Variants in ZNF652 observed in about 807,000 individuals in gnomAD.
The protein encoded by ZNF652 is zinc finger protein 652.
Under a neutral mutation model 45.2 loss-of-function variants are expected in ZNF652, and 16 were observed. The ratio of observed to expected loss-of-function variants is 0.35; its 90% CI spans 0.24 to 0.54. ZNF652 has a LOEUF of 0.54. ZNF652 is among the 20% of genes least tolerant of loss of function. The pLI is 0.91. For missense variants in ZNF652, 614 were observed against 765.6 expected (o/e 0.80, Z 2.34); for synonymous variants, 250 against 260.6 (o/e 0.96, Z 0.39).
chr17:49,299,083 T>C (rs562187419), intron 5 of ZNF652, among the ~76,000 whole-genome samples, 159 bp from the exon 6 acceptor site: 1 of 152,174 alleles, frequency 6.6e-6, no homozygotes, highest in African/African-American at 2.4e-5. Context: ...CCCAAAGTGC[T>C]GCGATTACAG....
chr17:49,335,465 C>A (rs1016966412), intron 1 of ZNF652, among the ~76,000 whole-genome samples: 1 of 152,056 alleles, frequency 6.6e-6, no homozygotes, highest in Non-Finnish European at 1.5e-5. Context: ...TTACCTAATT[C>A]ATCTGGTCAC....
intron 3 of ZNF652, among the ~76,000 whole-genome samples, chr17:49,312,256 C>G (rs959045402): frequency 1.3e-5 from 2 of 151,396 alleles, no homozygotes; most frequent in Non-Finnish European, 2.9e-5. Context: ...ACCTCTGCCC[C>G]CTGGGTTCAA....
At chr17:49,301,854 C>T (rs376386836) in intron 5 of ZNF652, among the ~76,000 whole-genome samples, 73 of 152,146 alleles carry the variant, frequency 4.8e-4, no homozygotes, top group African/African-American at 1.6e-3. Context: ...CAGTGGCACC[C>T]TGTCTATATA....
At chr17:49,299,393 T>C (rs534837988) in intron 5 of ZNF652, among the ~76,000 whole-genome samples, 1 of 152,248 alleles carries the variant, frequency 6.6e-6, no homozygotes, top group Non-Finnish European at 1.5e-5. Flanking sequence ...CTTTTTTAGT[T>C]TTTTGAGACA....
chr17:49,303,613 C>T (rs1567914567), intron 5 of ZNF652, among the ~76,000 whole-genome samples: 4 of 152,040 alleles, frequency 2.6e-5, no homozygotes, highest in Admixed American at 2.0e-4. Context: ...GTTTGATTAA[C>T]CTCTAAGCTC....
Position 49,289,426 on chromosome 17 carries a change from T to A in ZNF652, c.*8987A>T, listed in dbSNP as rs1382279848. The A allele has an allele frequency of 6.6e-6, 1 of 151,988 alleles. No individual in the cohort carries two copies. The highest frequency in any genetic ancestry group is 1.5e-5 in the Non-Finnish European group (1 of 68,010). The allele number at this position is 151,988 out of a possible 1,614,324, so 9.4% of individuals were successfully genotyped here. A position where few individuals can be genotyped will look rare whatever the true frequency, so the allele number is the denominator to read the frequency against. ...TTTTATACTTAAAATCATGATTGAG[T>A]TGAAATAAAAAAGTGCATTTCAATT... On this transcript the variant is annotated 3_prime_UTR_variant, in exon 6 of 6. Coordinates refer to ENST00000430262, the MANE Select transcript of ZNF652 (RefSeq NM_001145365.3).
chr17:49,299,161 G>A (rs1237286810), intron 5 of ZNF652, among the ~76,000 whole-genome samples: 2 of 151,626 alleles, frequency 1.3e-5, no homozygotes, highest in Admixed American at 6.6e-5. Context: ...CTCAAATTTG[G>A]ACTTAACAGA....
At position 49,298,524 on chromosome 17, in the gene ZNF652, G is replaced by A. The variant is rs3744325; in HGVS notation, c.1710C>T (p.Leu570=). The change falls in exon 6 of 6, where the codon CTC becomes CTT. Residue 570 remains leucine, a synonymous_variant. Transcript: ENST00000430262. ...HHLPIPPVPH[L]PPPPALFKSE... ...TCTTAAAGAGAGCTGGAGGTGGCGG[G>A]AGGTGAGGGACTGGAGGGATGGGAA... 6.8e-5 allele frequency: 109 copies of A among 1,612,812 alleles called. 1 individual carries two copies. The East Asian group carries it at 2.4e-3, about 36-fold the overall frequency.
chr17:49,296,750 AT>A lies in ZNF652; in HGVS notation c.*1662del. ...CAAGACCTTGTCTCTTAAAAAAAAA[AT>A]TGGAGAGGGGGTGGGAGGTAAGTGA... is the stretch of plus-strand genomic sequence containing the variant. On this transcript the variant is annotated 3_prime_UTR_variant, in exon 6 of 6. Transcript: ENST00000430262. The A allele has an allele frequency of 6.6e-6, 1 of 152,080 alleles. No homozygotes were observed. Among genetic ancestry groups the A allele is most frequent in the Non-Finnish European group, 1.5e-5 (1 of 68,038 alleles). The allele number at this position is 152,080 out of a possible 1,614,324, so 9.4% of individuals were successfully genotyped here. A position where few individuals can be genotyped will look rare whatever the true frequency, so the allele number is the denominator to read the frequency against.
chr17:49,342,031 C>CA (rs2070153048), intron 1 of ZNF652, among the ~76,000 whole-genome samples: 1 of 151,660 alleles, frequency 6.6e-6, no homozygotes, highest in Admixed American at 6.6e-5. Flanking sequence ...ACTAAAAGTA[C>CA]AAAAATTAGC....
intron 1 of ZNF652, among the ~76,000 whole-genome samples, chr17:49,352,587 T>C (rs1253456876): frequency 6.6e-6 from 1 of 152,234 alleles, no homozygotes; most frequent in Non-Finnish European, 1.5e-5. Context: ...TAATTTCTTA[T>C]AAGTTAAAGA....
chr17:49,316,697 T>G, intron 2 of ZNF652, 129 bp downstream of exon 2: 1 of 1,027,950 alleles, frequency 9.7e-7, no homozygotes, highest in Middle Eastern at 3.2e-4. Flanking sequence ...CAGGAGCTTT[T>G]CAAATGATAA....
intron 1 of ZNF652, among the ~76,000 whole-genome samples, chr17:49,333,738 A>G (rs1438588029): frequency 6.0e-5 from 9 of 150,432 alleles, no homozygotes; most frequent in East Asian, 2.0e-4. Context: ...AAAAAAAAAA[A>G]AAAAAGAAGA....
chr17:49,347,740 G>GTTTTTTTTTT (rs1181401090), intron 1 of ZNF652, among the ~76,000 whole-genome samples: 1 of 81,214 alleles, frequency 1.2e-5, no homozygotes, highest in Non-Finnish European at 2.6e-5. Context: ...CCTTGGTTTT[G>GTTTTTTTTTT]TTTTTTTTTT....
At chr17:49,325,861 A>G (rs576254095) in intron 1 of ZNF652, among the ~76,000 whole-genome samples, 4 of 152,268 alleles carry the variant, frequency 2.6e-5, no homozygotes, top group African/African-American at 9.6e-5. Context: ...CACAAAGACC[A>G]GAAAACCTGC....
At chr17:49,347,398 C>G (rs1567698573) in intron 1 of ZNF652, among the ~76,000 whole-genome samples, 1 of 152,104 alleles carries the variant, frequency 6.6e-6, no homozygotes, top group Non-Finnish European at 1.5e-5. Context: ...AACCTGGTCT[C>G]TACTAAAAAT....
At chr17:49,336,323 CTT>C (rs771233496) in intron 1 of ZNF652, among the ~76,000 whole-genome samples, 31 of 123,538 alleles carry the variant, frequency 2.5e-4, no homozygotes, top group Admixed American at 3.4e-4. Flanking sequence ...ATGCCCAGCC[CTT>C]TTTTTTTTTT....
chr17:49,330,477 A>C (rs2070011142), intron 1 of ZNF652, among the ~76,000 whole-genome samples: 1 of 151,818 alleles, frequency 6.6e-6, no homozygotes, highest in Non-Finnish European at 1.5e-5. Flanking sequence ...TTTAATTTTT[A>C]GCATGACTAA....
chr17:49,304,693 C>T (rs1408408718), intron 5 of ZNF652, among the ~76,000 whole-genome samples: 3 of 151,932 alleles, frequency 2.0e-5, no homozygotes, highest in Non-Finnish European at 4.4e-5. Flanking sequence ...CCTAATTGTA[C>T]AGCAATGTAA....
Sources: gnomAD v4.1 joint callset for allele counts (sites outside exome capture counted in the v4.1 genomes callset) on GRCh38, gnomAD v4.1.1 for gene constraint, MANE v1.5 for transcripts, NCBI Gene and HGNC (gene_info 2026-07-23, HGNC 2026-07-21) for gene names.